Variants in SORCS1 observed in about 807,000 individuals in gnomAD.
SORCS1 encodes the protein VPS10 domain-containing receptor SorCS1.
In SORCS1, 60 loss-of-function variants were observed where a neutral mutation model predicts 146.1. The observed-to-expected ratio is 0.41, with a 90% CI of 0.33 to 0.51. The LOEUF is 0.51. Ranked by LOEUF, SORCS1 falls within the 20% of genes least tolerant of loss-of-function variation. The pLI, the probability that SORCS1 is intolerant of heterozygous loss-of-function variation, is 0.21. For missense variants in SORCS1, 1,352 were observed against 1,487.6 expected (o/e 0.91, Z 1.50); for synonymous variants, 637 against 584.0 (o/e 1.09, Z -1.31).
intron 5 of SORCS1, among the ~76,000 whole-genome samples, chr10:106,738,519 G>T (rs1230976969): frequency 1.3e-5 from 2 of 152,176 alleles, no homozygotes; most frequent in Non-Finnish European, 2.9e-5. Context: ...TCCTGGAGGG[G>T]TGTGCTTGTG....
chr10:107,015,956 C>T (rs1269144630), intron 1 of SORCS1, among the ~76,000 whole-genome samples: 1 of 148,052 alleles, frequency 6.8e-6, no homozygotes, highest in African/African-American at 2.4e-5. Flanking sequence ...AATCAAAAAC[C>T]ACTTATACCA....
intron 2 of SORCS1, among the ~76,000 whole-genome samples, chr10:106,874,864 GT>G (rs1437013096): frequency 6.6e-6 from 1 of 152,210 alleles, no homozygotes; most frequent in Non-Finnish European, 1.5e-5. Flanking sequence ...TATGTGTAAA[GT>G]AAGAAATCAT....
At chr10:106,582,674 A>G (rs982668183) in intron 24 of SORCS1, among the ~76,000 whole-genome samples, 1 of 152,210 alleles carries the variant, frequency 6.6e-6, no homozygotes, top group African/African-American at 2.4e-5. Context: ...GTAGACGTGT[A>G]GGGGAAAGTG....
At chr10:107,087,601 C>A (rs1005542519) in intron 1 of SORCS1, among the ~76,000 whole-genome samples, 2 of 152,184 alleles carry the variant, frequency 1.3e-5, no homozygotes, top group Non-Finnish European at 2.9e-5. Context: ...TTCCTACCAC[C>A]TGGTCAATGC....
chr10:107,084,296 T>C (rs1336827702), intron 1 of SORCS1, among the ~76,000 whole-genome samples: 5 of 149,234 alleles, frequency 3.4e-5, no homozygotes, highest in Admixed American at 6.7e-5. Context: ...TTAGTAGAGA[T>C]GTGGTTTCAC....
chr10:106,668,841 A>G (rs1395641309), intron 16 of SORCS1, among the ~76,000 whole-genome samples: 1 of 152,168 alleles, frequency 6.6e-6, no homozygotes, highest in Non-Finnish European at 1.5e-5. Flanking sequence ...AGGGACAGGC[A>G]AGGTCATTTG....
At chr10:107,079,126 T>C (rs1005118629) in intron 1 of SORCS1, among the ~76,000 whole-genome samples, 5 of 151,906 alleles carry the variant, frequency 3.3e-5, no homozygotes, top group African/African-American at 1.2e-4. Flanking sequence ...CTTGGGAGGC[T>C]GAGTCAGGAA....
At chr10:106,744,599 T>C in intron 5 of SORCS1, among the ~76,000 whole-genome samples, 1 of 152,362 alleles carries the variant, frequency 6.6e-6, no homozygotes, top group Admixed American at 6.5e-5. Flanking sequence ...ACCTTATGAC[T>C]ATACCATATT....
At position 106,640,675 on chromosome 10, in the gene SORCS1, T is replaced by C. The variant is rs76677546; in HGVS notation, c.2476-11287A>G. 3.0e-3 allele frequency among the ~76,000 whole-genome samples: 452 copies of C among 152,328 alleles called. 2 individuals carry two copies. The highest frequency in any genetic ancestry group is 0.01 in the African/African-American group (436 of 41,574). ...TATCCTGTGCCTTCAGGTTCTTGCA[T>C]TGGATTTCTCTGGGAAGCTGAGTTA... On this transcript the variant is annotated intron_variant, in intron 18 of 25. Coordinates refer to ENST00000263054, the MANE Select transcript of SORCS1 (RefSeq NM_052918.5).
chr10:106,811,964 A>C (rs1216750947), intron 3 of SORCS1, among the ~76,000 whole-genome samples: 1 of 152,126 alleles, frequency 6.6e-6, no homozygotes, highest in African/African-American at 2.4e-5. Flanking sequence ...AATGGAGTTT[A>C]TCATACTTAC....
intron 3 of SORCS1, among the ~76,000 whole-genome samples, chr10:106,814,327 G>A (rs1172122336): frequency 6.6e-6 from 1 of 152,116 alleles, no homozygotes; most frequent in Non-Finnish European, 1.5e-5. Context: ...GAAATTTATT[G>A]AAGATCTACA....
intron 3 of SORCS1, among the ~76,000 whole-genome samples, chr10:106,822,802 T>TTTTTTTTTTTTTTTTTTTTTTTTTTG (rs994708912): frequency 2.9e-5 from 4 of 140,194 alleles, no homozygotes; most frequent in African/African-American, 5.7e-5. Flanking sequence ...TTTTTTTTTT[T>TTTTTTTTTTTTTTTTTTTTTTTTTTG]GAATATTGCT....
chr10:107,169,102 T>C (rs186202736), upstream of SORCS1, among the ~76,000 whole-genome samples: 4 of 152,320 alleles, frequency 2.6e-5, no homozygotes, highest in East Asian at 3.9e-4. Context: ...AACTGTCTCA[T>C]TGGTTTTTTG....
intron 5 of SORCS1, among the ~76,000 whole-genome samples, chr10:106,758,554 A>C (rs1858835217): frequency 6.6e-6 from 1 of 152,220 alleles, no homozygotes; most frequent in Non-Finnish European, 1.5e-5. Flanking sequence ...GGGGGACAAC[A>C]TTCATTTATT....
chr10:106,624,070 T>C (rs1847924767), intron 19 of SORCS1, among the ~76,000 whole-genome samples: 3 of 152,146 alleles, frequency 2.0e-5, no homozygotes, highest in Non-Finnish European at 4.4e-5. Flanking sequence ...AGCTTAGGTA[T>C]TTCTGAGGAA....
intron 2 of SORCS1, among the ~76,000 whole-genome samples, chr10:106,855,811 T>G (rs1238712847): frequency 6.6e-6 from 1 of 152,214 alleles, no homozygotes; most frequent in Non-Finnish European, 1.5e-5. Flanking sequence ...CCTTAGCATG[T>G]TGATCATACA....
chr10:106,685,086 A>C (rs771053116), intron 10 of SORCS1, among the ~76,000 whole-genome samples: 3 of 152,152 alleles, frequency 2.0e-5, no homozygotes, highest in Non-Finnish European at 4.4e-5. Flanking sequence ...CTTCCATCTT[A>C]ATGAGCTTCC....
intron 16 of SORCS1, among the ~76,000 whole-genome samples, chr10:106,670,411 T>C (rs1385109762): frequency 6.6e-6 from 1 of 152,224 alleles, no homozygotes; most frequent in Middle Eastern, 3.2e-3. Flanking sequence ...AAGTCTCCTT[T>C]ATCACTACGT....
chr10:106,850,279 A>G (rs988133698), intron 2 of SORCS1, among the ~76,000 whole-genome samples: 2 of 152,142 alleles, frequency 1.3e-5, no homozygotes, highest in Non-Finnish European at 2.9e-5. Flanking sequence ...TGTGGGATAT[A>G]GTCTCGTGGT....
Sources: allele counts gnomAD v4.1 joint callset (sites outside exome capture counted in the v4.1 genomes callset), GRCh38; gene constraint gnomAD v4.1.1; transcripts MANE v1.5; gene names NCBI Gene and HGNC (gene_info 2026-07-23, HGNC 2026-07-21).